The following CLCN4 variants were observed in gnomAD, a reference collection of about 807,000 sequenced individuals.
CLCN4 encodes the protein H(+)/Cl(-) exchange transporter 4.
CLCN4 carries 1 observed loss-of-function variant against 41.7 expected under a neutral mutation model. The observed-to-expected ratio is 0.02, with a 90% CI of 0.01 to 0.11. The LOEUF (loss-of-function observed/expected upper bound fraction) is 0.11. CLCN4 is among the 10% of genes least tolerant of loss of function. The pLI is 1.00. For synonymous variants in CLCN4, 277 were observed against 285.8 expected, an observed-to-expected ratio of 0.97 and a Z score of 0.31; for missense variants, 287 against 661.0, an observed-to-expected ratio of 0.43 and a Z score of 6.20.
intron 2 of CLCN4, among the ~76,000 whole-genome samples, chrX:10,162,203 G>C (rs778278297): frequency 1.8e-4 from 20 of 110,498 alleles, no homozygotes; most frequent in Admixed American, 4.8e-4. Context: ...ATTTTTAGTA[G>C]AGATGGGATT....
chrX:10,192,412 G>A (rs185768609), intron 4 of CLCN4, among the ~76,000 whole-genome samples: 72 of 111,655 alleles, frequency 6.4e-4, no homozygotes, highest in African/African-American at 2.1e-3. Flanking sequence ...CCCAGAGGAG[G>A]TGATATAAAT....
chrX:10,227,935 C>CT (rs911844727), intron 12 of CLCN4, among the ~76,000 whole-genome samples: 3 of 110,225 alleles, frequency 2.7e-5, no homozygotes, highest in African/African-American at 6.6e-5. Flanking sequence ...CCCTTTTTTT[C>CT]TTTTTTTTAA....
At chrX:10,216,740 G>T (rs1924717094) in intron 11 of CLCN4, among the ~76,000 whole-genome samples, 1 of 105,172 alleles carries the variant, frequency 9.5e-6, no homozygotes, top group African/African-American at 3.5e-5. Context: ...GCAGAAAGGG[G>T]TCTACATCCA....
In CLCN4 at chrX:10,184,948, G is replaced by T. The variant is rs1923771893; in HGVS notation, c.-11-74G>T. 25 of 841,020 alleles carry T rather than the reference G, an allele frequency of 3.0e-5. No homozygotes were observed. In the South Asian group the frequency reaches 6.2e-4, roughly 21 times the overall value. 69.3% of individuals were successfully genotyped at this position (841,020 alleles called of 1,213,427 possible). On this transcript the variant is annotated intron_variant, in intron 2 of 12. Transcript: ENST00000380833. ...AATTTTTCTTATATAAGAAAATAGG[G>T]CACATGGACTATTCTTCTTGCATGG...
At chrX:10,186,579 C>G in intron 3 of CLCN4, among the ~76,000 whole-genome samples, 2 of 111,310 alleles carry the variant, frequency 1.8e-5, no homozygotes, top group Middle Eastern at 9.3e-3. Flanking sequence ...GTGACATGGA[C>G]AGTGTGACCA....
At chrX:10,198,591 G>A (rs1924157021) in intron 6 of CLCN4, among the ~76,000 whole-genome samples, 1 of 111,978 alleles carries the variant, frequency 8.9e-6, no homozygotes, top group Admixed American at 9.5e-5. Flanking sequence ...CCTGAATTCT[G>A]CCTTTAATAC....
chrX:10,176,640 A>T (rs1030595942), intron 2 of CLCN4, among the ~76,000 whole-genome samples: 4 of 112,036 alleles, frequency 3.6e-5, no homozygotes, highest in South Asian at 3.7e-4. Flanking sequence ...CCCTGCCGGG[A>T]CTTGCCTCTA....
chrX:10,196,784 T>C (rs1924106579), intron 5 of CLCN4, among the ~76,000 whole-genome samples: 1 of 111,898 alleles, frequency 8.9e-6, no homozygotes, highest in Non-Finnish European at 1.9e-5. Flanking sequence ...TTTTTATTCT[T>C]CTCTCCTACT....
At chrX:10,167,290 G>T (rs1290810217) in intron 2 of CLCN4, among the ~76,000 whole-genome samples, 1 of 111,853 alleles carries the variant, frequency 8.9e-6, no homozygotes, top group Non-Finnish European at 1.9e-5. Flanking sequence ...AGAAGGGGTG[G>T]AATGAGTCCT....
intron 1 of CLCN4, among the ~76,000 whole-genome samples, chrX:10,157,647 AG>A (rs1922985862): frequency 8.9e-6 from 1 of 112,956 alleles, no homozygotes; most frequent in African/African-American, 3.2e-5. Context: ...AGGCTGTTTC[AG>A]TTGTGAATGA....
At chrX:10,178,295 C>T (rs1226573538) in intron 2 of CLCN4, among the ~76,000 whole-genome samples, 1 of 111,708 alleles carries the variant, frequency 9.0e-6, no homozygotes. Context: ...ATGTGAATTA[C>T]CTCTTTAAAA....
At chrX:10,219,439 G>A (rs1210942826) in intron 11 of CLCN4, among the ~76,000 whole-genome samples, 1 of 112,202 alleles carries the variant, frequency 8.9e-6, no homozygotes, top group Admixed American at 9.5e-5. Flanking sequence ...GTCTACATTT[G>A]AAAACGCGTT....
chrX:10,166,529 G>C (rs760281159), intron 2 of CLCN4, among the ~76,000 whole-genome samples: 1 of 111,745 alleles, frequency 8.9e-6, no homozygotes, highest in South Asian at 3.8e-4. Flanking sequence ...AGGTGGCAGA[G>C]GCCTGCCTGC....
intron 3 of CLCN4, 55 bp downstream of exon 3, chrX:10,185,231 A>T (rs750591067): frequency 8.8e-7 from 1 of 1,139,724 alleles, no homozygotes; most frequent in African/African-American, 1.8e-5. Context: ...GTTTTCATTC[A>T]AAAGTTACTG....
rs61453535 is a variant in CLCN4 at position 10,204,613 on chromosome X, CTTTTTTTTTTTTTTTTT to C, written c.556-1725_556-1709del. ...CTATTCTCACCAGAAAGCTAGTAGT[CTTTTTTTTTTTTTTTTT>C]TTTTTTTTTTTTTTTTTTTACATAC... On this transcript the variant is annotated intron_variant, in intron 6 of 12. Coordinates refer to ENST00000380833, the MANE Select transcript of CLCN4 (RefSeq NM_001830.4). Among the ~76,000 whole-genome samples the C allele has an allele frequency of 5.4e-3, 149 of 27,350 alleles. 2 individuals are homozygous for C. Among genetic ancestry groups the C allele is most frequent in the South Asian group, 0.011 (2 of 185 alleles). 23.8% of individuals were successfully genotyped at this position (27,350 alleles called of 115,157 possible).
intron 2 of CLCN4, among the ~76,000 whole-genome samples, chrX:10,179,486 A>G (rs754590961): frequency 9.0e-6 from 1 of 111,568 alleles, no homozygotes; most frequent in Admixed American, 9.5e-5. Flanking sequence ...AGTTTTTAGG[A>G]AAAGCTATTT....
intron 4 of CLCN4, among the ~76,000 whole-genome samples, chrX:10,188,636 C>T (rs1025939653): frequency 2.7e-5 from 3 of 112,163 alleles, no homozygotes; most frequent in Admixed American, 9.4e-5. Flanking sequence ...TTTGGCATGA[C>T]GAAGAGGTTT....
rs766274728 is a variant in CLCN4 at position 10,217,442 on chromosome X, G to C, written c.1976-3219G>C. Among the ~76,000 whole-genome samples, 6 of 112,231 alleles carry C rather than the reference G, an allele frequency of 5.3e-5. No homozygotes were observed. In the South Asian group the frequency reaches 2.2e-3, roughly 42 times the overall value. ...CCAGGGCTCCACCCACTGGATGTCA[G>C]CAGCACTTGCCCTCTCCTATTGTGA... On this transcript the variant is annotated intron_variant, in intron 11 of 12. Transcript: ENST00000380833.
chrX:10,226,504 C>T (rs1022539881), intron 12 of CLCN4, among the ~76,000 whole-genome samples: 3 of 111,496 alleles, frequency 2.7e-5, no homozygotes, highest in African/African-American at 9.8e-5. Context: ...CAAGAGCAGA[C>T]AAACCCCAAA....
Sources: gnomAD v4.1 joint callset for allele counts (sites outside exome capture counted in the v4.1 genomes callset) on GRCh38, gnomAD v4.1.1 for gene constraint, MANE v1.5 for transcripts, NCBI Gene and HGNC (gene_info 2026-07-23, HGNC 2026-07-21) for gene names.